Variants in SLC9A9 observed in about 807,000 individuals in gnomAD.
SLC9A9 encodes the protein solute carrier family 9 member A9.
In SLC9A9, 62 loss-of-function variants were observed where a neutral mutation model predicts 77.8. The observed-to-expected ratio is 0.80, with a 90% CI of 0.65 to 0.98. SLC9A9 has a LOEUF of 0.98. Among genes scored for constraint, SLC9A9 ranks in the 50% least tolerant of loss-of-function variants. The probability of loss-of-function intolerance (pLI) is 0.00; values close to 1 mark genes in which losing one functional copy is unlikely to be tolerated. For synonymous variants in SLC9A9, 320 were observed against 283.5 expected (o/e 1.13, Z -1.29); for missense variants, 775 against 774.9 (o/e 1.00, Z 0.00).
At chr3:143,368,996 A>G (rs1267084604) in intron 13 of SLC9A9, among the ~76,000 whole-genome samples, 6 of 152,342 alleles carry the variant, frequency 3.9e-5, no homozygotes, top group African/African-American at 1.4e-4. Flanking sequence ...CATAAATATT[A>G]CCAGGAAGAT....
At position 143,584,452 on chromosome 3, in the gene SLC9A9, G is replaced by A. The variant is rs541751451; in HGVS notation, c.756-5729C>T. Among the ~76,000 whole-genome samples the A allele has an allele frequency of 5.9e-5, 9 of 152,210 alleles. No individual in the cohort carries two copies. In the East Asian group the frequency reaches 9.6e-4, roughly 16 times the overall value. ...CCTTTGTTAACATGAAATCAATGTCGCTTGAAAGCTTATGAAAAGAACATA... is the reference window on the plus strand; with the variant it reads ...CCTTTGTTAACATGAAATCAATGTCACTTGAAAGCTTATGAAAAGAACATA... On this transcript the variant is annotated intron_variant, in intron 6 of 15. Coordinates refer to ENST00000316549, the MANE Select transcript of SLC9A9 (RefSeq NM_173653.4).
intron 5 of SLC9A9, among the ~76,000 whole-genome samples, chr3:143,672,862 C>G (rs1011317235): frequency 6.6e-6 from 1 of 152,198 alleles, no homozygotes; most frequent in African/African-American, 2.4e-5. Flanking sequence ...ACAAGAACTG[C>G]TATGAAATGA....
intron 14 of SLC9A9, among the ~76,000 whole-genome samples, chr3:143,333,788 T>C (rs144148897): frequency 1.3e-5 from 2 of 152,376 alleles, no homozygotes; most frequent in African/African-American, 2.4e-5. Context: ...TATGGTTTAC[T>C]CTTTTGGCAA....
intron 14 of SLC9A9, among the ~76,000 whole-genome samples, chr3:143,339,881 AG>A (rs1306022029): frequency 6.6e-6 from 1 of 152,208 alleles, no homozygotes; most frequent in Non-Finnish European, 1.5e-5. Flanking sequence ...CTTCTGTAAA[AG>A]GATGCTACTG....
intron 5 of SLC9A9, among the ~76,000 whole-genome samples, chr3:143,686,143 G>GA (rs1396124165): frequency 6.6e-6 from 1 of 152,074 alleles, no homozygotes; most frequent in East Asian, 1.9e-4. Flanking sequence ...TTTCATAATT[G>GA]AAAAGAGATA....
At chr3:143,371,045 T>C (rs1576454137) in intron 13 of SLC9A9, among the ~76,000 whole-genome samples, 1 of 151,984 alleles carries the variant, frequency 6.6e-6, no homozygotes, top group African/African-American at 2.4e-5. Flanking sequence ...AGTGGCTGTG[T>C]ACAGAAAGGA....
At position 143,832,181 on chromosome 3, in the gene SLC9A9, T is replaced by G. The variant is rs1304073351; in HGVS notation, c.216A>C (p.Pro72=). 6.2e-7 allele frequency: 1 copy of G among 1,612,966 alleles called. No individual in the cohort carries two copies. Among genetic ancestry groups the G allele is most frequent in the East Asian group, 2.2e-5 (1 of 44,784 alleles). ...MGLILRYATA[P]TDIESGTVYD... ...AGACAGTTCCACTTTCAATATCAGTTGGTGCTGTAGCATATCGTAAAATTA... is the reference window on the plus strand; with the variant it reads ...AGACAGTTCCACTTTCAATATCAGTGGGTGCTGTAGCATATCGTAAAATTA... Residue 72 remains proline, a synonymous_variant, in exon 2 of 16, where the codon CCA becomes CCC. Transcript: ENST00000316549.
intron 4 of SLC9A9, among the ~76,000 whole-genome samples, chr3:143,719,185 G>A (rs982761139): frequency 4.6e-5 from 7 of 152,122 alleles, no homozygotes; most frequent in South Asian, 2.1e-4. Flanking sequence ...TTCCTTGTGC[G>A]GACAGATCTT....
intron 3 of SLC9A9, among the ~76,000 whole-genome samples, chr3:143,795,793 C>A (rs1304079310): frequency 6.6e-6 from 1 of 152,174 alleles, no homozygotes; most frequent in Non-Finnish European, 1.5e-5. Flanking sequence ...GAGTCAGCCA[C>A]AAAATGATGC....
At chr3:143,782,657 G>C (rs2007919076) in intron 4 of SLC9A9, among the ~76,000 whole-genome samples, 1 of 152,210 alleles carries the variant, frequency 6.6e-6, no homozygotes, top group South Asian at 2.1e-4. Context: ...CACCTAAAGA[G>C]CTAGCTCTTG....
intron 14 of SLC9A9, among the ~76,000 whole-genome samples, chr3:143,292,709 T>C (rs538240111): frequency 6.6e-6 from 1 of 152,290 alleles, no homozygotes; most frequent in South Asian, 2.1e-4. Flanking sequence ...AAACATGTAT[T>C]ATACTCTCTA....
intron 4 of SLC9A9, among the ~76,000 whole-genome samples, chr3:143,779,126 T>A (rs2007789715): frequency 6.6e-6 from 1 of 152,208 alleles, no homozygotes; most frequent in East Asian, 1.9e-4. Context: ...AATCTATGTT[T>A]AAAAATTCAT....
chr3:143,692,159 C>T (rs975585624), intron 5 of SLC9A9, among the ~76,000 whole-genome samples: 2 of 151,268 alleles, frequency 1.3e-5, no homozygotes, highest in Non-Finnish European at 3.0e-5. Context: ...CAAATTACCT[C>T]TTTTTTTTTA....
At chr3:143,802,035 T>C (rs2008576776) in intron 2 of SLC9A9, among the ~76,000 whole-genome samples, 1 of 152,222 alleles carries the variant, frequency 6.6e-6, no homozygotes, top group African/African-American at 2.4e-5. Context: ...CGGCAACGCT[T>C]ATGCTGATAA....
At chr3:143,570,361 C>A (rs141483455) in intron 8 of SLC9A9, among the ~76,000 whole-genome samples, 6 of 151,992 alleles carry the variant, frequency 3.9e-5, no homozygotes, top group African/African-American at 1.5e-4. Context: ...GTGGTGAAGA[C>A]GTGAGTGAAT....
chr3:143,735,847 G>A (rs188916521), intron 4 of SLC9A9, among the ~76,000 whole-genome samples: 4 of 152,316 alleles, frequency 2.6e-5, no homozygotes, highest in Non-Finnish European at 2.9e-5. Context: ...TTGCTACCAT[G>A]TGACATTGAG....
chr3:143,848,133 A>C lies in SLC9A9; in HGVS notation c.175+15T>G, dbSNP rs766687494. 2 of 1,610,024 alleles carry C rather than the reference A, an allele frequency of 1.2e-6. No individual in the cohort carries two copies. Among genetic ancestry groups the C allele is most frequent in the Middle Eastern group, 1.7e-4 (1 of 6,048 alleles). ...GCAACAAGTTTCACATCAATCTCAC[A>C]ATTTATGCACTCACCATACACCATT... On this transcript the variant is annotated intron_variant, in intron 1 of 15. Coordinates refer to ENST00000316549, the MANE Select transcript of SLC9A9 (RefSeq NM_173653.4).
At chr3:143,634,032 T>C (rs1048281585) in intron 6 of SLC9A9, among the ~76,000 whole-genome samples, 1 of 152,230 alleles carries the variant, frequency 6.6e-6, no homozygotes, top group Non-Finnish European at 1.5e-5. Flanking sequence ...GAACATGTGC[T>C]GCCTTTCCAT....
At chr3:143,378,945 C>G (rs1405407232) in intron 13 of SLC9A9, among the ~76,000 whole-genome samples, 1 of 152,086 alleles carries the variant, frequency 6.6e-6, no homozygotes, top group Admixed American at 6.5e-5. Flanking sequence ...TAGTTAGCCA[C>G]AGCTACAAGT....
Sources: gnomAD v4.1 joint callset for allele counts (sites outside exome capture counted in the v4.1 genomes callset) on GRCh38, gnomAD v4.1.1 for gene constraint, MANE v1.5 for transcripts, NCBI Gene and HGNC (gene_info 2026-07-23, HGNC 2026-07-21) for gene names.